Variants in ATP7B observed in about 807,000 individuals in gnomAD.
ATP7B encodes the protein copper-transporting ATPase 2.
A neutral mutation model predicts 118.9 loss-of-function variants in ATP7B; 113 were observed. That is an observed-to-expected ratio of 0.95 (90% confidence interval 0.82 to 1.11). ATP7B has a LOEUF of 1.11. Among genes scored for constraint, ATP7B ranks in the 50% most tolerant of loss-of-function variants. The pLI is 0.00. For missense variants in ATP7B, 1,867 were observed against 1,871.4 expected (o/e 1.00, Z 0.04); for synonymous variants, 777 against 727.4 (o/e 1.07, Z -1.10).
Position 51,937,332 on chromosome 13 carries a change from C to T in ATP7B, c.3965G>A (p.Arg1322His), listed in dbSNP as rs753330854. ...HLSKRTVRRI[R>H]INLVLALIYN... ...AATCAGTGCCAGGACCAGGTTGATG[C>T]GTATCCTTCGGACAGTCCTCTTGGA... The change falls in exon 19 of 21, where the codon CGC becomes CAC. Residue 1322 changes from arginine to histidine, a missense_variant. Arg to His is a conservative substitution (Grantham distance 29). Transcript: ENST00000242839. The T allele has an allele frequency of 6.2e-5, 100 of 1,614,050 alleles. 1 individual carries two copies. The African/African-American group carries it at 8.4e-4, about 14-fold the overall frequency.
At chr13:51,996,143 G>GT (rs1953195765) in intron 1 of ATP7B, among the ~76,000 whole-genome samples, 1 of 152,212 alleles carries the variant, frequency 6.6e-6, no homozygotes, top group Non-Finnish European at 1.5e-5. Flanking sequence ...TCAAGAAGGT[G>GT]TAAGAAAGTT....
chr13:51,935,079 T>C (rs1956879386), intron 20 of ATP7B, 50 bp from the exon 21 acceptor site: 31 of 1,591,444 alleles, frequency 1.9e-5, no homozygotes, highest in Non-Finnish European at 2.7e-5. Context: ...AAACAAGGCT[T>C]TTTTTTTTTC....
At chr13:51,971,190 T>C (rs192657928) in intron 2 of ATP7B, among the ~76,000 whole-genome samples, 5 of 152,350 alleles carry the variant, frequency 3.3e-5, no homozygotes, top group Admixed American at 2.6e-4. Context: ...GGCACACTAA[T>C]GGTTTATTCC....
chr13:51,995,257 C>T, intron 1 of ATP7B: 1 of 976,110 alleles, frequency 1.0e-6, no homozygotes, highest in Non-Finnish European at 1.2e-6. Flanking sequence ...AAACCTCCAT[C>T]TTTAAAATGG....
intron 13 of ATP7B, 48 bp downstream of exon 13, chr13:51,946,236 A>T (rs577219442): frequency 6.5e-7 from 1 of 1,544,396 alleles, no homozygotes; most frequent in Non-Finnish European, 8.7e-7. Flanking sequence ...TAGTAAACAG[A>T]TACTACTTTC....
chr13:52,006,328 C>T (rs1953770642), intron 1 of ATP7B, among the ~76,000 whole-genome samples: 1 of 152,210 alleles, frequency 6.6e-6, no homozygotes, highest in African/African-American at 2.4e-5. Context: ...TAAAGAAGCA[C>T]TTAAATCCAT....
rs74087025 is a variant in ATP7B at position 51,965,731 on chromosome 13, G to A, written c.1708-698C>T. On this transcript the variant is annotated intron_variant, in intron 4 of 20. Coordinates refer to ENST00000242839, the MANE Select transcript of ATP7B (RefSeq NM_000053.4). ...TGGACACAGGATGCTCGAGGGAGAG[G>A]AGGGAAGGCTGCAGGGCTGGATGGG... Among the ~76,000 whole-genome samples, 836 of 152,288 alleles carry A rather than the reference G, an allele frequency of 5.5e-3. 5 individuals are homozygous for A. Among genetic ancestry groups the A allele is most frequent in the African/African-American group, 0.019 (798 of 41,540 alleles).
intron 19 of ATP7B, 121 bp downstream of exon 19, chr13:51,937,150 AAAAAC>A: frequency 1.2e-6 from 1 of 825,398 alleles, no homozygotes; most frequent in Non-Finnish European, 2.0e-6. Context: ...AAAAAAAAAA[AAAAAC>A]AGCCTTTCTA....
chr13:51,991,707 G>GT (rs1952923937), intron 1 of ATP7B, among the ~76,000 whole-genome samples: 5 of 152,272 alleles, frequency 3.3e-5, no homozygotes, highest in African/African-American at 1.2e-4. Context: ...GAGCCTCAGT[G>GT]GCAGGCACCC....
chr13:51,995,765 C>T (rs961553742), intron 1 of ATP7B, among the ~76,000 whole-genome samples: 2 of 152,172 alleles, frequency 1.3e-5, no homozygotes, highest in African/African-American at 2.4e-5. Context: ...AGTACTGCAC[C>T]TATTTGCTTT....
At chr13:51,945,835 ACT>A (rs921734495) in intron 13 of ATP7B, among the ~76,000 whole-genome samples, 4 of 151,694 alleles carry the variant, frequency 2.6e-5, no homozygotes, top group Non-Finnish European at 4.4e-5. Flanking sequence ...CAAAAGGAAG[ACT>A]CTTCACAAAC....
At chr13:51,956,573 G>A (rs1024949886) in intron 9 of ATP7B, among the ~76,000 whole-genome samples, 3 of 152,202 alleles carry the variant, frequency 2.0e-5, no homozygotes, top group African/African-American at 7.2e-5. Flanking sequence ...GGAGCGGGAG[G>A]TGCCACGGAG....
chr13:51,993,726 A>G (rs1953054816), intron 1 of ATP7B, among the ~76,000 whole-genome samples: 1 of 152,228 alleles, frequency 6.6e-6, no homozygotes, highest in South Asian at 2.1e-4. Context: ...TGGCAGAAGT[A>G]ACACTATTTT....
At chr13:51,996,666 T>TC (rs1953224501) in intron 1 of ATP7B, among the ~76,000 whole-genome samples, 1 of 152,136 alleles carries the variant, frequency 6.6e-6, no homozygotes, top group Non-Finnish European at 1.5e-5. Flanking sequence ...TGACGCTTCC[T>TC]CCCCCATTAA....
chr13:51,977,106 T>C (rs140057959), intron 1 of ATP7B, among the ~76,000 whole-genome samples: 1 of 152,200 alleles, frequency 6.6e-6, no homozygotes, highest in African/African-American at 2.4e-5. Context: ...AAGGTTACAG[T>C]GAGCTATGAT....
chr13:51,968,219 TAC>T (rs1255401946), intron 4 of ATP7B, among the ~76,000 whole-genome samples: 2 of 152,194 alleles, frequency 1.3e-5, no homozygotes, highest in Non-Finnish European at 1.5e-5. Context: ...ACACCCTGAA[TAC>T]TCTCAGTGGG....
At chr13:51,999,008 T>C (rs1047544900) in intron 1 of ATP7B, among the ~76,000 whole-genome samples, 1 of 152,164 alleles carries the variant, frequency 6.6e-6, no homozygotes, top group Non-Finnish European at 1.5e-5. Flanking sequence ...AAGCTGCATA[T>C]GTTGGGTTCC....
At chr13:51,954,998 C>A (rs1369551381) in intron 9 of ATP7B, among the ~76,000 whole-genome samples, 1 of 152,180 alleles carries the variant, frequency 6.6e-6, no homozygotes, top group Non-Finnish European at 1.5e-5. Flanking sequence ...GCAGCAGCAG[C>A]AGCAAGGAAA....
At chr13:51,943,405 G>A (rs992771568) in intron 14 of ATP7B, among the ~76,000 whole-genome samples, 19 of 152,144 alleles carry the variant, frequency 1.2e-4, no homozygotes, top group African/African-American at 3.9e-4. Context: ...GACAAAACTA[G>A]AAATGAGGTT....
Sources: gnomAD v4.1 joint callset for allele counts (sites outside exome capture counted in the v4.1 genomes callset) on GRCh38, gnomAD v4.1.1 for gene constraint, MANE v1.5 for transcripts, NCBI Gene and HGNC (gene_info 2026-07-23, HGNC 2026-07-21) for gene names.